Variants in CCDC30 observed in about 807,000 individuals in gnomAD.
CCDC30 encodes coiled-coil domain containing 30.
In CCDC30, 70 loss-of-function variants were observed where a neutral mutation model predicts 100.2. The observed-to-expected ratio is 0.70, with a 90% CI of 0.58 to 0.85. The LOEUF (loss-of-function observed/expected upper bound fraction) is 0.85, where lower values mean the gene tolerates loss of function less well. Among genes scored for constraint, CCDC30 ranks in the 40% least tolerant of loss-of-function variants. The pLI, the probability that CCDC30 is intolerant of heterozygous loss-of-function variation, is 0.00. For missense variants in CCDC30, 652 were observed against 771.2 expected, an observed-to-expected ratio of 0.85 and a Z score of 1.83; for synonymous variants, 233 against 269.5, an observed-to-expected ratio of 0.86 and a Z score of 1.33.
intron 6 of CCDC30, among the ~76,000 whole-genome samples, chr1:42,553,774 T>C (rs1645308704): frequency 6.6e-6 from 1 of 152,102 alleles, no homozygotes; most frequent in Non-Finnish European, 1.5e-5. Flanking sequence ...TTATAAATGA[T>C]GGAAAATTTC....
chr1:42,621,240 C>T (rs1054944382), intron 11 of CCDC30, among the ~76,000 whole-genome samples: 11 of 152,222 alleles, frequency 7.2e-5, no homozygotes, highest in African/African-American at 2.6e-4. Flanking sequence ...ATAATCACAT[C>T]GTGGAGAATG....
chr1:42,476,900 T>A (rs78684569), intron 1 of CCDC30, among the ~76,000 whole-genome samples: 2 of 149,778 alleles, frequency 1.3e-5, no homozygotes, highest in Non-Finnish European at 3.0e-5. Context: ...TTTTTGTTTT[T>A]TTTTTTTGCC....
At chr1:42,534,437 G>A (rs867107995) in intron 6 of CCDC30, among the ~76,000 whole-genome samples, 24 of 152,284 alleles carry the variant, frequency 1.6e-4, no homozygotes, top group African/African-American at 5.5e-4. Context: ...CCATTTCCTT[G>A]TGCAGTGCTG....
chr1:42,545,173 A>AT (rs1645101107), intron 6 of CCDC30, among the ~76,000 whole-genome samples: 5 of 101,942 alleles, frequency 4.9e-5, no homozygotes, highest in South Asian at 2.9e-4. Flanking sequence ...AAAAAAAAAA[A>AT]AAAAAAAAAA....
At chr1:42,655,867 CTTTTTTTTTTTT>C (rs766715541), downstream of CCDC30, among the ~76,000 whole-genome samples, 3 of 87,314 alleles carry the variant, frequency 3.4e-5, no homozygotes, top group African/African-American at 8.9e-5. Context: ...GCTGTTTTTA[CTTTTTTTTTTTT>C]TTTTTTTTTT....
At chr1:42,498,708 AT>A in intron 5 of CCDC30, 109 bp from the exon 6 acceptor site, 2 of 470,488 alleles carry the variant, frequency 4.3e-6, no homozygotes, top group Non-Finnish European at 6.8e-6. Flanking sequence ...TGTGTTGAAG[AT>A]TTACAAGGAG....
At chr1:42,575,019 G>T (rs2762696) in intron 7 of CCDC30, among the ~76,000 whole-genome samples, 92,512 of 151,980 alleles carry the variant, frequency 0.61, 28,724 homozygotes, top group East Asian at 0.81. Flanking sequence ...TACAGATGAA[G>T]AAACTGATGC....
intron 11 of CCDC30, among the ~76,000 whole-genome samples, chr1:42,619,856 T>G (rs1303291000): frequency 3.9e-5 from 6 of 152,204 alleles, no homozygotes; most frequent in Non-Finnish European, 8.8e-5. Context: ...TTCCAGCCAT[T>G]CTGAATAGGT....
intron 12 of CCDC30, among the ~76,000 whole-genome samples, chr1:42,641,878 CA>C (rs940736229): frequency 6.6e-6 from 1 of 151,200 alleles, no homozygotes; most frequent in Non-Finnish European, 1.5e-5. Flanking sequence ...AACAAACAAA[CA>C]AAAAACAACA....
chr1:42,629,969 A>ATTTTTTTTTTTT (rs4019432), intron 11 of CCDC30, among the ~76,000 whole-genome samples: 1 of 90,146 alleles, frequency 1.1e-5, no homozygotes, highest in Non-Finnish European at 2.1e-5. Context: ...ATGTCCCCCT[A>ATTTTTTTTTTTT]TTTTTTTTTT....
intron 11 of CCDC30, among the ~76,000 whole-genome samples, chr1:42,636,312 G>A (rs6658577): frequency 0.16 from 23,882 of 151,932 alleles, 2,096 homozygotes; most frequent in South Asian, 0.31. Flanking sequence ...ATGCTGGGGT[G>A]GGAGGATTGC....
chr1:42,520,984 T>TC (rs1251090656), intron 6 of CCDC30, among the ~76,000 whole-genome samples: 3 of 149,186 alleles, frequency 2.0e-5, no homozygotes, highest in South Asian at 2.1e-4. Flanking sequence ...TTTTCTTTTT[T>TC]TTTTTTTGAG....
intron 6 of CCDC30, among the ~76,000 whole-genome samples, chr1:42,555,935 C>T (rs1246033074): frequency 6.6e-6 from 1 of 152,132 alleles, no homozygotes; most frequent in South Asian, 2.1e-4. Flanking sequence ...GGTGATCCGC[C>T]CATCTCGGCC....
At chr1:42,507,306 T>A (rs375189609) in intron 6 of CCDC30, among the ~76,000 whole-genome samples, 84 of 152,338 alleles carry the variant, frequency 5.5e-4, no homozygotes, top group Middle Eastern at 3.4e-3. Flanking sequence ...TTTGCAAACC[T>A]TTTGTAACCC....
intron 6 of CCDC30, among the ~76,000 whole-genome samples, chr1:42,520,576 C>T (rs1372939471): frequency 3.3e-5 from 5 of 149,258 alleles, no homozygotes; most frequent in Admixed American, 2.0e-4. Flanking sequence ...GTGATCTGCC[C>T]ATCTCGGCCT....
intron 6 of CCDC30, among the ~76,000 whole-genome samples, chr1:42,540,322 A>C (rs1242754061): frequency 6.6e-6 from 1 of 152,184 alleles, no homozygotes; most frequent in Non-Finnish European, 1.5e-5. Flanking sequence ...TATGTAGAGC[A>C]TAATATACAA....
rs1471458046 is a variant in CCDC30 at position 42,503,821 on chromosome 1, C to T, written c.456+4905C>T. ...ATCTGCCTAAATAATTTCTTTTTAA[C>T]TCCTATCTTATTCCCCCCTCAGGAG... is the stretch of plus-strand genomic sequence containing the variant. On this transcript the variant is annotated intron_variant, in intron 6 of 16. Coordinates refer to ENST00000668663, the Ensembl canonical transcript of CCDC30. Among the ~76,000 whole-genome samples the T allele has an allele frequency of 2.0e-5, 3 of 152,160 alleles. No individual in the cohort carries two copies. In the East Asian group the frequency reaches 5.8e-4, roughly 29 times the overall value.
chr1:42,618,496 A>T (rs548289835), intron 11 of CCDC30, among the ~76,000 whole-genome samples: 12 of 152,152 alleles, frequency 7.9e-5, no homozygotes, highest in Non-Finnish European at 1.8e-4. Flanking sequence ...TCGGCCTCCC[A>T]AAGTGCTGGG....
intron 6 of CCDC30, among the ~76,000 whole-genome samples, chr1:42,562,931 G>A (rs972489742): frequency 2.0e-5 from 3 of 152,094 alleles, no homozygotes; most frequent in Admixed American, 6.6e-5. Context: ...TCAGAATGGC[G>A]ATTATTAAAA....
Sources: allele counts gnomAD v4.1 joint callset (sites outside exome capture counted in the v4.1 genomes callset), GRCh38; gene constraint gnomAD v4.1.1; transcripts MANE v1.5; gene names NCBI Gene and HGNC (gene_info 2026-07-23, HGNC 2026-07-21).